The following PAGR1 variants were observed in gnomAD, a reference collection of about 807,000 sequenced individuals.
PAGR1 encodes PAXIP1 associated glutamate rich protein 1.
Under a neutral mutation model 22.4 loss-of-function variants are expected in PAGR1, and 20 were observed. That is an observed-to-expected ratio of 0.89 (90% CI 0.63 to 1.30). The LOEUF (loss-of-function observed/expected upper bound fraction) is 1.30, where lower values mean the gene tolerates loss of function less well. Ranked by LOEUF, PAGR1 falls within the 50% of genes most tolerant of loss-of-function variation. The pLI, the probability that PAGR1 is intolerant of heterozygous loss-of-function variation, is 0.00. For missense variants in PAGR1, 338 were observed against 343.6 expected (o/e 0.98, Z 0.13); for synonymous variants, 161 against 148.3 (o/e 1.09, Z -0.62).
chr16:29,819,813 CT>C lies in PAGR1; in HGVS notation c.*61del. 6.6e-7 allele frequency: 1 copy of C among 1,522,134 alleles called. No homozygotes were observed. Among genetic ancestry groups the C allele is most frequent in the East Asian group, 2.3e-5 (1 of 43,540 alleles). 94.3% of individuals were successfully genotyped at this position (1,522,134 alleles called of 1,614,324 possible). On this transcript the variant is annotated 3_prime_UTR_variant, in exon 3 of 3. Coordinates refer to ENST00000320330, the MANE Select transcript of PAGR1 (RefSeq NM_024516.4). ...CGTACCTGCTGGAGCCTGGGCCCTC[CT>C]TCCCCAGCCCAGACATTGAGAAACT...
rs1159580239 is a variant in PAGR1 at position 29,816,918 on chromosome 16, C to A, written c.393C>A (p.Ile131=). ...AHGTLELQAE[I]LPRRPPTPEA... The stretch of plus-strand genomic sequence containing the variant: ...GTACTCTGGAGCTGCAAGCCGAGAT[C>A]CTGCCCCGCCGGCCTCCCACGCCGG... Residue 131 remains isoleucine, a synonymous_variant, in exon 1 of 3, where the codon ATC becomes ATA. Coordinates refer to ENST00000320330, the MANE Select transcript of PAGR1 (RefSeq NM_024516.4). The A allele has an allele frequency of 8.3e-6, 13 of 1,564,414 alleles. No individual in the cohort carries two copies. The highest frequency in any genetic ancestry group is 1.0e-5 in the Non-Finnish European group (12 of 1,156,810).
chr16:29,819,517 T>A, intron 2 of PAGR1, 38 bp from the exon 3 acceptor site: 1 of 1,607,950 alleles, frequency 6.2e-7, no homozygotes, highest in South Asian at 1.1e-5. Flanking sequence ...GTACACCACC[T>A]CCATCCCTTC....
At chr16:29,818,931 T>C (rs1026143663) in intron 2 of PAGR1, among the ~76,000 whole-genome samples, 1 of 152,116 alleles carries the variant, frequency 6.6e-6, no homozygotes, top group African/African-American at 2.4e-5. Flanking sequence ...GGGAAGAGCA[T>C]GTCAAAGGAG....
rs1212530901 is a variant in PAGR1 at position 29,821,897 on chromosome 16, G to A, written c.*2143G>A. On this transcript the variant is annotated 3_prime_UTR_variant, in exon 3 of 3. Transcript: ENST00000320330. Reference sequence around the variant, plus strand: ...AACTTAGACCCAGTGAGTCAGAAGTGAGGCCTGCAAAAAGCAGCAGGAGTG... The same window carrying A: ...AACTTAGACCCAGTGAGTCAGAAGTAAGGCCTGCAAAAAGCAGCAGGAGTG... Among the ~76,000 whole-genome samples, 1 of 152,174 alleles carries A rather than the reference G, an allele frequency of 6.6e-6. No homozygotes were observed. The highest frequency in any genetic ancestry group is 1.5e-5 in the Non-Finnish European group (1 of 68,032).
Position 29,821,910 on chromosome 16 carries a change from A to G in PAGR1, c.*2156A>G, listed in dbSNP as rs1325680614. Reference sequence around the variant, plus strand: ...TGAGTCAGAAGTGAGGCCTGCAAAAAGCAGCAGGAGTGGGGTTAAGAATTC... The same window carrying G: ...TGAGTCAGAAGTGAGGCCTGCAAAAGGCAGCAGGAGTGGGGTTAAGAATTC... On this transcript the variant is annotated 3_prime_UTR_variant, in exon 3 of 3. Coordinates refer to ENST00000320330, the MANE Select transcript of PAGR1 (RefSeq NM_024516.4). Among the ~76,000 whole-genome samples the G allele has an allele frequency of 6.6e-6, 1 of 152,196 alleles. No homozygotes were observed. The highest frequency in any genetic ancestry group is 1.5e-5 in the Non-Finnish European group (1 of 68,040).
intron 2 of PAGR1, among the ~76,000 whole-genome samples, chr16:29,817,719 A>C (rs1391500836): frequency 2.6e-5 from 4 of 151,724 alleles, no homozygotes; most frequent in Non-Finnish European, 5.9e-5. Context: ...TGATCCGCCC[A>C]CCTCAGCCTC....
chr16:29,821,488 C>G lies in PAGR1; in HGVS notation c.*1734C>G, dbSNP rs1276230799. 1 of 152,400 alleles carries G rather than the reference C, an allele frequency of 6.6e-6. No homozygotes were observed. Among genetic ancestry groups the G allele is most frequent in the Non-Finnish European group, 1.5e-5 (1 of 68,222 alleles). The allele number at this position is 152,400 out of a possible 1,614,324, so 9.4% of individuals were successfully genotyped here. A position where few individuals can be genotyped will look rare whatever the true frequency, so the allele number is the denominator to read the frequency against. On this transcript the variant is annotated 3_prime_UTR_variant, in exon 3 of 3. Coordinates refer to ENST00000320330, the MANE Select transcript of PAGR1 (RefSeq NM_024516.4). ...ATCTTGGGTGCTGCCCTCCCAGGTT[C>G]TGGGGGAGCAGAGGCTGGGCGCTGG...
chr16:29,816,585 A>T lies in PAGR1; in HGVS notation c.60A>T (p.Glu20Asp). Residue 20 changes from glutamate (E) to aspartate (D), a missense_variant, in exon 1 of 3, where the codon GAA (glutamate) becomes GAT (aspartate). By Grantham distance (45) the Glu-to-Asp change is conservative (BLOSUM62 2). Transcript: ENST00000320330. ...TAASTAAPLS[E>D]EGEVTSGLQA... Reference sequence around the variant, plus strand: ...CCAGTACGGCGGCGCCTCTGTCTGAAGAAGGGGAAGTGACCTCCGGCCTCC... The same window carrying T: ...CCAGTACGGCGGCGCCTCTGTCTGATGAAGGGGAAGTGACCTCCGGCCTCC... 1 of 1,513,744 alleles carries T rather than the reference A, an allele frequency of 6.6e-7. No individual in the cohort carries two copies. The highest frequency in any genetic ancestry group is 1.3e-5 in the South Asian group (1 of 74,108). 93.8% of individuals were successfully genotyped at this position (1,513,744 alleles called of 1,614,324 possible). A position where few individuals can be genotyped will look rare whatever the true frequency, so the allele number is the denominator to read the frequency against.
rs986708630 is a variant in PAGR1, at chr16:29,822,283, C to T, written c.*2529C>T. Among the ~76,000 whole-genome samples, 7 of 150,314 alleles carry T rather than the reference C, an allele frequency of 4.7e-5. No individual in the cohort carries two copies. The highest frequency in any genetic ancestry group is 1.5e-4 in the African/African-American group (6 of 40,736). On this transcript the variant is annotated 3_prime_UTR_variant, in exon 3 of 3. Transcript: ENST00000320330. ...CAAGTGGAAGTCTAGGCTGGCTGAG[C>T]TGTTCTGTCTCGAAAAGTTCCTAAA...
In PAGR1 at chr16:29,822,081, G is replaced by C. The variant is rs933537276; in HGVS notation, c.*2327G>C. Among the ~76,000 whole-genome samples, 7 of 150,572 alleles carry C rather than the reference G, an allele frequency of 4.6e-5. 1 individual carries two copies. Among genetic ancestry groups the C allele is most frequent in the Admixed American group, 4.6e-4 (7 of 15,088 alleles). On this transcript the variant is annotated 3_prime_UTR_variant, in exon 3 of 3. Transcript: ENST00000320330. ...TCTCTGTTTGTGTGTGTGTGGTTGG[G>C]GTTTTGTTTTTTTTTTTTTTTTAAA...
rs1196358644 is a variant in PAGR1 at position 29,821,985 on chromosome 16, G to A, written c.*2231G>A. On this transcript the variant is annotated 3_prime_UTR_variant, in exon 3 of 3. Coordinates refer to ENST00000320330, the MANE Select transcript of PAGR1 (RefSeq NM_024516.4). ...TCAGGCCTGTAATCCCAGTACTTTG[G>A]GAGGCCCGAATGGGAGGATGGCTTG... is the stretch of plus-strand genomic sequence containing the variant. Among the ~76,000 whole-genome samples the A allele has an allele frequency of 6.6e-6, 1 of 152,190 alleles. No homozygotes were observed. The highest frequency in any genetic ancestry group is 1.5e-5 in the Non-Finnish European group (1 of 68,030).
Position 29,816,938 on chromosome 16 carries a change from C to T in PAGR1, c.413C>T (p.Thr138Met). ...QAEILPRRPP[T>M]PEAQSEEERS... Reference sequence around the variant, plus strand: ...GAGATCCTGCCCCGCCGGCCTCCCACGCCGGAGGCCCAGAGCGAAGAGGAG... The same window carrying T: ...GAGATCCTGCCCCGCCGGCCTCCCATGCCGGAGGCCCAGAGCGAAGAGGAG... Residue 138 changes from threonine to methionine, a missense_variant, in exon 1 of 3, where the codon ACG becomes ATG. Transcript: ENST00000320330. The T allele has an allele frequency of 6.4e-7, 1 of 1,573,478 alleles. No individual in the cohort carries two copies. The highest frequency in any genetic ancestry group is 8.6e-7 in the Non-Finnish European group (1 of 1,161,366).
chr16:29,816,642 C>T lies in PAGR1; in HGVS notation c.117C>T (p.Pro39=), dbSNP rs1900253420. The part of the protein sequence containing the change: ...QALAVEDTGG[P]SASAGKAEDE... ...TGGCCGTGGAGGATACCGGAGGCCC[C>T]TCTGCCTCGGCCGGTAAGGCCGAGG... The change falls in exon 1 of 3, where the codon CCC becomes CCT. Residue 39 remains proline, a synonymous_variant. Transcript: ENST00000320330. 1 of 1,548,688 alleles carries T rather than the reference C, an allele frequency of 6.5e-7. No individual in the cohort carries two copies. The highest frequency in any genetic ancestry group is 8.7e-7 in the Non-Finnish European group (1 of 1,149,698).
chr16:29,816,559 G>A lies in PAGR1; in HGVS notation c.34G>A (p.Ala12Thr). Residue 12 changes from alanine to threonine, a missense_variant, in exon 1 of 3, where the codon GCC becomes ACC. Ala to Thr is a moderately conservative substitution (Grantham distance 58). This residue lies in a region of PAGR1 where 235 missense variants were observed against 216.0 expected (regional missense o/e 1.09). Transcript: ENST00000320330. The part of the protein sequence containing the change: ...SLARGHGDTA[A>T]STAAPLSEEG... ...TGCTCGGGGCCATGGAGACACTGCG[G>A]CCAGTACGGCGGCGCCTCTGTCTGA... 1 of 1,511,826 alleles carries A rather than the reference G, an allele frequency of 6.6e-7. No individual in the cohort carries two copies. Among genetic ancestry groups the A allele is most frequent in the Non-Finnish European group, 8.8e-7 (1 of 1,132,486 alleles). The allele number at this position is 1,511,826 out of a possible 1,614,324, so 93.7% of individuals were successfully genotyped here.
intron 2 of PAGR1, among the ~76,000 whole-genome samples, chr16:29,817,605 C>G (rs989098787): frequency 2.7e-5 from 4 of 150,830 alleles, no homozygotes; most frequent in African/African-American, 7.3e-5. Context: ...TCCCAAGTAG[C>G]TGGGATTACA....
intron 2 of PAGR1, 138 bp downstream of exon 2, chr16:29,817,430 A>G (rs1900273335): frequency 3.0e-6 from 2 of 657,328 alleles, no homozygotes; most frequent in Non-Finnish European, 5.4e-6. Context: ...TTCACCCAGT[A>G]GCACCATCTT....
rs1900247735 is a variant in PAGR1, at chr16:29,816,400, C to T, written c.-126C>T. 2 of 1,028,306 alleles carry T rather than the reference C, an allele frequency of 1.9e-6. No individual in the cohort carries two copies. Among genetic ancestry groups the T allele is most frequent in the South Asian group, 3.9e-5 (1 of 25,918 alleles). The allele number at this position is 1,028,306 out of a possible 1,614,324, so 63.7% of individuals were successfully genotyped here. A position where few individuals can be genotyped will look rare whatever the true frequency, so the allele number is the denominator to read the frequency against. ...CTCCCGGGGACGGGCGGTCTGGCCG[C>T]GGAGTCCCCTGCGGGAGCGTGATTG... On this transcript the variant is annotated 5_prime_UTR_variant, in exon 1 of 3. Coordinates refer to ENST00000320330, the MANE Select transcript of PAGR1 (RefSeq NM_024516.4).
Position 29,816,430 on chromosome 16 carries a change from G to A in PAGR1, c.-96G>A, listed in dbSNP as rs1395890427. On this transcript the variant is annotated 5_prime_UTR_variant, in exon 1 of 3. Transcript: ENST00000320330. ...TCCCCTGCGGGAGCGTGATTGGCTGGAAACGGTCCCGAACCCCCAGGGGAG... is the reference window on the plus strand; with the variant it reads ...TCCCCTGCGGGAGCGTGATTGGCTGAAAACGGTCCCGAACCCCCAGGGGAG... 9 of 1,258,328 alleles carry A rather than the reference G, an allele frequency of 7.2e-6. No homozygotes were observed. In the East Asian group the frequency reaches 1.1e-4, roughly 16 times the overall value. The allele number at this position is 1,258,328 out of a possible 1,614,324, so 77.9% of individuals were successfully genotyped here. A position where few individuals can be genotyped will look rare whatever the true frequency, so the allele number is the denominator to read the frequency against.
rs978755089 is a variant in PAGR1, at chr16:29,817,248, C to T, written c.521C>T (p.Pro174Leu). The part of the protein sequence containing the change: ...MPTEFDFDDE[P>L]VTPKDSLIDR... ...ACGGAATTTGATTTTGATGATGAGC[C>T]AGTGACACCAAAGGACTCCCTGATT... Residue 174 changes from proline to leucine, a missense_variant, in exon 2 of 3, where the codon CCA becomes CTA. Physicochemically the swap from Pro to Leu is moderately conservative, Grantham distance 98. Coordinates refer to ENST00000320330, the MANE Select transcript of PAGR1 (RefSeq NM_024516.4). The T allele has an allele frequency of 3.1e-6, 5 of 1,613,938 alleles. No individual in the cohort carries two copies. The highest frequency in any genetic ancestry group is 4.2e-6 in the Non-Finnish European group (5 of 1,180,018).
Sources: allele counts gnomAD v4.1 joint callset (sites outside exome capture counted in the v4.1 genomes callset), GRCh38; gene constraint gnomAD v4.1.1; regional missense constraint gnomAD v4.1.1; transcripts MANE v1.5; gene names NCBI Gene and HGNC (gene_info 2026-07-23, HGNC 2026-07-21).